Variants in FHIT observed in about 807,000 individuals in gnomAD.
FHIT encodes the protein fragile histidine triad diadenosine triphosphatase.
In FHIT, 19 loss-of-function variants were observed where a neutral mutation model predicts 17.9. The observed-to-expected ratio is 1.06, with a 90% CI of 0.74 to 1.56. The LOEUF (loss-of-function observed/expected upper bound fraction) is 1.56, where lower values mean the gene tolerates loss of function less well. FHIT is among the 40% of genes most tolerant of loss of function. The probability of loss-of-function intolerance (pLI) is 0.00; values close to 1 mark genes in which losing one functional copy is unlikely to be tolerated. For synonymous variants in FHIT, 81 were observed against 69.7 expected (o/e 1.16, Z -0.81); for missense variants, 248 against 189.2 (o/e 1.31, Z -1.82).
intron 4 of FHIT, among the ~76,000 whole-genome samples, chr3:60,573,230 G>A (rs1553656357): frequency 2.0e-5 from 3 of 152,166 alleles, no homozygotes; most frequent in African/African-American, 7.2e-5. Context: ...GTCCATAACT[G>A]TGTGATATTG....
intron 4 of FHIT, among the ~76,000 whole-genome samples, chr3:60,665,847 C>T (rs1169234333): frequency 1.3e-5 from 2 of 152,038 alleles, no homozygotes; most frequent in Non-Finnish European, 2.9e-5. Flanking sequence ...GGTTCTCATT[C>T]CTCTGTTTCT....
At chr3:60,551,875 T>A (rs1219233242) in intron 4 of FHIT, among the ~76,000 whole-genome samples, 2 of 151,908 alleles carry the variant, frequency 1.3e-5, no homozygotes, top group African/African-American at 4.8e-5. Context: ...ACCCTTCTAG[T>A]GTACAGTTTG....
chr3:60,787,821 C>A (rs567576935), intron 4 of FHIT, among the ~76,000 whole-genome samples: 1 of 152,210 alleles, frequency 6.6e-6, no homozygotes, highest in African/African-American at 2.4e-5. Context: ...TGCTCCATCT[C>A]TCATACTGTA....
chr3:60,257,883 A>T (rs1706084279), intron 5 of FHIT, among the ~76,000 whole-genome samples: 1 of 151,990 alleles, frequency 6.6e-6, no homozygotes, highest in South Asian at 2.1e-4. Flanking sequence ...AAACAAACTA[A>T]GGCCTGTCGG....
intron 5 of FHIT, among the ~76,000 whole-genome samples, chr3:60,102,238 G>A (rs1704223559): frequency 6.6e-6 from 1 of 152,230 alleles, no homozygotes; most frequent in Non-Finnish European, 1.5e-5. Context: ...GCTCAGTATA[G>A]ATTGAGGCTG....
chr3:61,229,364 T>C (rs930832970), intron 1 of FHIT, among the ~76,000 whole-genome samples: 3 of 152,062 alleles, frequency 2.0e-5, no homozygotes, highest in African/African-American at 7.2e-5. Flanking sequence ...GGCAAGGAAG[T>C]TTTCTCCCCT....
chr3:60,265,844 A>G (rs1456463904), intron 5 of FHIT, among the ~76,000 whole-genome samples: 1 of 151,978 alleles, frequency 6.6e-6, no homozygotes, highest in Non-Finnish European at 1.5e-5. Context: ...ATTAAAAGCC[A>G]TCAGAGAAAT....
chr3:60,274,860 T>C (rs1290075928), intron 5 of FHIT, among the ~76,000 whole-genome samples: 1 of 152,114 alleles, frequency 6.6e-6, no homozygotes, highest in Non-Finnish European at 1.5e-5. Context: ...TGTCAGCAAA[T>C]TTAGCATGGA....
chr3:59,856,492 A>AT (rs1702163322), intron 8 of FHIT, among the ~76,000 whole-genome samples: 1 of 152,242 alleles, frequency 6.6e-6, no homozygotes, highest in Non-Finnish European at 1.5e-5. Context: ...AGGACCAGGC[A>AT]TAAAAATCAC....
At chr3:60,010,422 T>C (rs1476698960) in intron 7 of FHIT, among the ~76,000 whole-genome samples, 1 of 152,224 alleles carries the variant, frequency 6.6e-6, no homozygotes, top group Non-Finnish European at 1.5e-5. Flanking sequence ...GAGATTGTAT[T>C]TTAAAAGTCC....
chr3:60,937,245 A>C (rs1553773315), intron 3 of FHIT, among the ~76,000 whole-genome samples: 1 of 152,224 alleles, frequency 6.6e-6, no homozygotes, highest in Non-Finnish European at 1.5e-5. Context: ...AGCTAATGTA[A>C]GAGTTCTTAG....
chr3:60,164,403 C>A (rs1016424470), intron 5 of FHIT, among the ~76,000 whole-genome samples: 1 of 152,188 alleles, frequency 6.6e-6, no homozygotes, highest in Non-Finnish European at 1.5e-5. Context: ...TCAAATCACA[C>A]CCATCTAAAA....
chr3:60,014,269 G>C (rs1700256534), intron 5 of FHIT, 117 bp from the exon 6 acceptor site: 1 of 951,954 alleles, frequency 1.1e-6, no homozygotes, highest in South Asian at 1.8e-5. Flanking sequence ...CAAAGACTAA[G>C]GAATGAAGAA....
intron 1 of FHIT, among the ~76,000 whole-genome samples, chr3:61,239,109 G>GA (rs563030672): frequency 1.3e-5 from 2 of 150,582 alleles, no homozygotes; most frequent in South Asian, 2.1e-4. Flanking sequence ...AAAGGGAGGG[G>GA]AAAAAAAAAG....
intron 5 of FHIT, among the ~76,000 whole-genome samples, chr3:60,156,325 G>A (rs918239762): frequency 6.6e-6 from 1 of 151,358 alleles, no homozygotes; most frequent in African/African-American, 2.4e-5. Flanking sequence ...ACTCCAGCCT[G>A]GGTGACAGAG....
chr3:60,450,757 G>T (rs2031683293), intron 5 of FHIT, among the ~76,000 whole-genome samples: 1 of 152,048 alleles, frequency 6.6e-6, no homozygotes, highest in Admixed American at 6.6e-5. Flanking sequence ...TGTGTGCAAG[G>T]AGCCATAAAC....
chr3:60,370,156 G>A (rs757666301), intron 5 of FHIT, among the ~76,000 whole-genome samples: 14 of 152,040 alleles, frequency 9.2e-5, no homozygotes, highest in Middle Eastern at 3.2e-3. Context: ...AAAAACTTAC[G>A]TCACCTGTGT....
intron 8 of FHIT, among the ~76,000 whole-genome samples, chr3:59,851,942 G>C (rs780716): frequency 0.98 from 148,987 of 152,288 alleles, 72,967 homozygotes; most frequent in East Asian, 1. Flanking sequence ...AGAACTGATT[G>C]TAATTTACCC....
Position 60,121,176 on chromosome 3 carries a change from C to T in FHIT, c.104-107024G>A, listed in dbSNP as rs141180884. ...CCCTATAATGGTTCACTAGCCTCAG[C>T]AATCAAGGCTGTAAGAAGACAGAAG... On this transcript the variant is annotated intron_variant, in intron 5 of 9. Coordinates refer to ENST00000492590, the MANE Select transcript of FHIT (RefSeq NM_002012.4). Among the ~76,000 whole-genome samples, 1,231 of 152,214 alleles carry T rather than the reference C, an allele frequency of 8.1e-3. 13 individuals carry two copies. Among genetic ancestry groups the T allele is most frequent in the African/African-American group, 0.027 (1,125 of 41,520 alleles).
Sources: allele counts gnomAD v4.1 joint callset (sites outside exome capture counted in the v4.1 genomes callset), GRCh38; gene constraint gnomAD v4.1.1; transcripts MANE v1.5; gene names NCBI Gene and HGNC (gene_info 2026-07-23, HGNC 2026-07-21).